ADAMTSL1: variants seen among roughly 807,000 people sequenced by gnomAD.
ADAMTSL1 encodes the protein ADAMTS like 1.
In ADAMTSL1, 126 loss-of-function variants were observed where a neutral mutation model predicts 201.8. The ratio of observed to expected loss-of-function variants is 0.62; its 90% confidence interval spans 0.54 to 0.72. The LOEUF (loss-of-function observed/expected upper bound fraction) is 0.72, where lower values mean the gene tolerates loss of function less well. ADAMTSL1 is among the 30% of genes least tolerant of loss of function. The pLI is 0.00. For synonymous variants in ADAMTSL1, 1,121 were observed against 903.4 expected, an observed-to-expected ratio of 1.24 and a Z score of -4.32; for missense variants, 2,679 against 2,277.8, an observed-to-expected ratio of 1.18 and a Z score of -3.59.
intron 23 of ADAMTSL1, among the ~76,000 whole-genome samples, chr9:18,849,524 G>C (rs1025257744): frequency 6.6e-6 from 1 of 152,176 alleles, no homozygotes; most frequent in Admixed American, 6.5e-5. Context: ...GATGGTCAAA[G>C]GTTAGGTAAA....
chr9:18,636,475 C>T (rs562932401), intron 6 of ADAMTSL1, among the ~76,000 whole-genome samples: 1 of 152,250 alleles, frequency 6.6e-6, no homozygotes, highest in South Asian at 2.1e-4. Flanking sequence ...ACAACCTTAA[C>T]ACTGTAGAAT....
At chr9:18,377,848 A>G (rs1382575443) in intron 2 of ADAMTSL1, among the ~76,000 whole-genome samples, 2 of 152,130 alleles carry the variant, frequency 1.3e-5, no homozygotes, top group East Asian at 1.9e-4. Context: ...GATTACAGGC[A>G]TGAGTCACCA....
chr9:18,518,622 G>A lies in ADAMTSL1; in HGVS notation c.191+13666G>A, dbSNP rs190900035. Reference sequence around the variant, plus strand: ...CTGCAATAAACATATGAATGCAGGTGTCTTTTTTATATAATGATTTCTTTT... The same window carrying A: ...CTGCAATAAACATATGAATGCAGGTATCTTTTTTATATAATGATTTCTTTT... On this transcript the variant is annotated intron_variant, in intron 2 of 28. Coordinates refer to ENST00000380548, the MANE Select transcript of ADAMTSL1 (RefSeq NM_001040272.6). Among the ~76,000 whole-genome samples the A allele has an allele frequency of 2.0e-5, 3 of 152,208 alleles. No homozygotes were observed. The East Asian group carries it at 5.8e-4, about 29-fold the overall frequency.
chr9:18,886,144 A>G (rs1421122650), intron 23 of ADAMTSL1, among the ~76,000 whole-genome samples: 1 of 140,784 alleles, frequency 7.1e-6, no homozygotes, highest in Non-Finnish European at 1.5e-5. Flanking sequence ...GTATGTGTAT[A>G]TATACATGTG....
At chr9:18,464,929 A>G (rs1307003975) in intron 2 of ADAMTSL1, among the ~76,000 whole-genome samples, 1 of 152,240 alleles carries the variant, frequency 6.6e-6, no homozygotes, top group Non-Finnish European at 1.5e-5. Flanking sequence ...GTAGCCAAAG[A>G]AAAGATGGCA....
intron 2 of ADAMTSL1, among the ~76,000 whole-genome samples, chr9:18,275,925 T>C (rs1832569810): frequency 6.6e-6 from 1 of 152,208 alleles, no homozygotes; most frequent in African/African-American, 2.4e-5. Flanking sequence ...TTCAAATTTA[T>C]ATGGAACTGC....
At chr9:17,935,916 C>A (rs1195176512) in intron 1 of ADAMTSL1, among the ~76,000 whole-genome samples, 1 of 152,180 alleles carries the variant, frequency 6.6e-6, no homozygotes, top group Non-Finnish European at 1.5e-5. Flanking sequence ...TGCTTCCCAT[C>A]TTCCACATGG....
chr9:17,988,204 C>G (rs1292236283), intron 1 of ADAMTSL1, among the ~76,000 whole-genome samples: 1 of 151,968 alleles, frequency 6.6e-6, no homozygotes, highest in Non-Finnish European at 1.5e-5. Context: ...CTCAAGATTC[C>G]TTTCAGAAGG....
At chr9:17,927,934 T>C (rs1826618756) in intron 1 of ADAMTSL1, among the ~76,000 whole-genome samples, 2 of 152,188 alleles carry the variant, frequency 1.3e-5, no homozygotes, top group Admixed American at 6.5e-5. Flanking sequence ...ATAATGTTGC[T>C]ATGAAATTGA....
intron 2 of ADAMTSL1, among the ~76,000 whole-genome samples, chr9:18,433,130 A>C (rs1819570586): frequency 6.6e-6 from 1 of 152,136 alleles, no homozygotes; most frequent in Admixed American, 6.5e-5. Flanking sequence ...TAAAATGTGA[A>C]TAGATGAGTA....
At chr9:18,191,154 T>C (rs1275977369) in intron 2 of ADAMTSL1, among the ~76,000 whole-genome samples, 4 of 152,136 alleles carry the variant, frequency 2.6e-5, no homozygotes, top group Non-Finnish European at 5.9e-5. Context: ...TGAGCAGGCC[T>C]AGATAGTTTG....
chr9:18,474,066 C>G (rs552875484), upstream of ADAMTSL1: 6 of 587,608 alleles, frequency 1.0e-5, no homozygotes, highest in African/African-American at 9.3e-5. Flanking sequence ...TCAGCTTACC[C>G]CCCACCCATC....
chr9:18,338,118 G>A (rs1442670770), intron 2 of ADAMTSL1, among the ~76,000 whole-genome samples: 1 of 152,112 alleles, frequency 6.6e-6, no homozygotes, highest in Non-Finnish European at 1.5e-5. Flanking sequence ...GGCCCTCAGA[G>A]CTACTTTCAG....
intron 23 of ADAMTSL1, among the ~76,000 whole-genome samples, chr9:18,848,808 G>A (rs937587915): frequency 1.3e-5 from 2 of 152,232 alleles, no homozygotes; most frequent in African/African-American, 4.8e-5. Context: ...AGCAGCCATA[G>A]ACCATAAGTA....
At chr9:18,168,388 T>G (rs931797243) in intron 2 of ADAMTSL1, among the ~76,000 whole-genome samples, 1 of 152,268 alleles carries the variant, frequency 6.6e-6, no homozygotes, top group East Asian at 1.9e-4. Context: ...TGGTTTTTTG[T>G]CCTTGTGATA....
At chr9:18,804,012 C>G (rs914812733) in intron 20 of ADAMTSL1, among the ~76,000 whole-genome samples, 10 of 152,248 alleles carry the variant, frequency 6.6e-5, no homozygotes. Flanking sequence ...GTTTTTGCTT[C>G]ATTGCCAAAT....
chr9:18,421,241 G>C lies in ADAMTSL1; in HGVS notation c.208-83588G>C, dbSNP rs561973192. On this transcript the variant is annotated intron_variant, in intron 2 of 29. Transcript: ENST00000680146. ...TATAATAATCTACTTCCATATAAAA[G>C]TAATATCCCATTGGTAAATATAGTA... is the stretch of plus-strand genomic sequence containing the variant. Among the ~76,000 whole-genome samples, 24 of 152,288 alleles carry C rather than the reference G, an allele frequency of 1.6e-4. No individual in the cohort carries two copies. In the South Asian group the frequency reaches 4.1e-3, roughly 26 times the overall value.
At chr9:18,233,287 G>T (rs761589841) in intron 2 of ADAMTSL1, among the ~76,000 whole-genome samples, 14 of 152,300 alleles carry the variant, frequency 9.2e-5, no homozygotes, top group Middle Eastern at 3.4e-3. Flanking sequence ...AAATTGGAAA[G>T]TGTAAGAATA....
chr9:18,015,279 G>A (rs907356419), intron 1 of ADAMTSL1, among the ~76,000 whole-genome samples: 3 of 152,030 alleles, frequency 2.0e-5, no homozygotes, highest in South Asian at 4.1e-4. Flanking sequence ...GGATCTAACC[G>A]AAAGATGGTA....
Sources: allele counts gnomAD v4.1 joint callset (sites outside exome capture counted in the v4.1 genomes callset), GRCh38; gene constraint gnomAD v4.1.1; transcripts MANE v1.5; gene names NCBI Gene and HGNC (gene_info 2026-07-23, HGNC 2026-07-21).